Variants in MYOCD observed in about 807,000 individuals in gnomAD.
MYOCD encodes the protein myocardin.
Under a neutral mutation model 96.1 loss-of-function variants are expected in MYOCD, and 32 were observed. That is an observed-to-expected ratio of 0.33 (90% CI 0.25 to 0.45). MYOCD has a LOEUF of 0.45. MYOCD is among the 20% of genes least tolerant of loss of function. MYOCD has a pLI of 1.00. For missense variants in MYOCD, 1,133 were observed against 1,200.6 expected (o/e 0.94, Z 0.83); for synonymous variants, 469 against 469.0 (o/e 1.00, Z 0.00).
intron 9 of MYOCD, among the ~76,000 whole-genome samples, chr17:12,751,821 C>A (rs1187841571): frequency 6.6e-6 from 1 of 152,070 alleles, no homozygotes; most frequent in East Asian, 1.9e-4. Flanking sequence ...AGGACATAAA[C>A]GTTTATATGG....
chr17:12,759,372 C>T (rs1228532642), intron 12 of MYOCD, among the ~76,000 whole-genome samples: 1 of 152,194 alleles, frequency 6.6e-6, no homozygotes, highest in Non-Finnish European at 1.5e-5. Flanking sequence ...CTACTTTGAG[C>T]CACAGCTATG....
At chr17:12,733,938 C>T (rs1055942686) in intron 5 of MYOCD, among the ~76,000 whole-genome samples, 2 of 150,784 alleles carry the variant, frequency 1.3e-5, no homozygotes, top group South Asian at 4.2e-4. Context: ...TGAAGTCTAA[C>T]AAAGTTAGCT....
chr17:12,754,966 T>A (rs2032970117), intron 10 of MYOCD, among the ~76,000 whole-genome samples: 1 of 152,172 alleles, frequency 6.6e-6, no homozygotes, highest in East Asian at 1.9e-4. Context: ...ATTTGTTAAT[T>A]CTAAGTACAA....
chr17:12,683,043 C>T (rs150439955), intron 1 of MYOCD, among the ~76,000 whole-genome samples: 2 of 152,234 alleles, frequency 1.3e-5, no homozygotes, highest in African/African-American at 4.8e-5. Context: ...TGGAAATAAG[C>T]TGGAATTGGG....
intron 5 of MYOCD, among the ~76,000 whole-genome samples, chr17:12,734,403 A>C (rs2032275021): frequency 6.6e-6 from 1 of 151,698 alleles, no homozygotes; most frequent in East Asian, 1.9e-4. Flanking sequence ...GATCCCAAGA[A>C]AATGCAGTGA....
chr17:12,762,833 G>C (rs2033218787), intron 13 of MYOCD: 1 of 502,276 alleles, frequency 2.0e-6, no homozygotes, highest in Non-Finnish European at 3.5e-6. Flanking sequence ...GAGTAGGCCA[G>C]GAACCTTCAG....
At chr17:12,712,585 G>A (rs1465218481) in intron 2 of MYOCD, among the ~76,000 whole-genome samples, 3 of 152,160 alleles carry the variant, frequency 2.0e-5, no homozygotes, top group Admixed American at 1.3e-4. Flanking sequence ...TTTTTTCTAA[G>A]TTCTAAGTCA....
In MYOCD at chr17:12,753,187, T is replaced by C. The variant is rs767789206; in HGVS notation, c.1899T>C (p.Cys633=). 4 of 1,614,156 alleles carry C rather than the reference T, an allele frequency of 2.5e-6. No homozygotes were observed. The highest frequency in any genetic ancestry group is 2.5e-6 in the Non-Finnish European group (3 of 1,180,018). ...CTTCCACATTTCTCAGCCCCCAGTG[T>C]TCCCCTCAGCATTCACCGCTGGGGG... The part of the protein sequence containing the change: ...VLSSTFLSPQ[C]SPQHSPLGAV... The change falls in exon 10 of 14, where the codon TGT becomes TGC. Residue 633 remains cysteine, a synonymous_variant. Coordinates refer to ENST00000425538, the MANE Select transcript of MYOCD (RefSeq NM_001146312.3).
At chr17:12,731,356 C>G (rs2032166570) in intron 5 of MYOCD, among the ~76,000 whole-genome samples, 1 of 152,170 alleles carries the variant, frequency 6.6e-6, no homozygotes, top group South Asian at 2.1e-4. Flanking sequence ...GCCGCCTTTG[C>G]TTTCCCAGAA....
At chr17:12,683,355 G>T (rs1264496847) in intron 1 of MYOCD, among the ~76,000 whole-genome samples, 1 of 152,116 alleles carries the variant, frequency 6.6e-6, no homozygotes, top group Non-Finnish European at 1.5e-5. Flanking sequence ...GAGAATAAAA[G>T]GGAGGCATCA....
intron 9 of MYOCD, among the ~76,000 whole-genome samples, chr17:12,747,282 C>T (rs1014873810): frequency 6.6e-6 from 1 of 152,028 alleles, no homozygotes; most frequent in African/African-American, 2.4e-5. Context: ...GAGAGATGGG[C>T]AGGAGAGAAC....
intron 2 of MYOCD, among the ~76,000 whole-genome samples, chr17:12,709,913 A>G (rs2031430505): frequency 6.6e-6 from 1 of 152,204 alleles, no homozygotes; most frequent in African/African-American, 2.4e-5. Context: ...ATTTTATTCC[A>G]ACCGCTTCTG....
intron 2 of MYOCD, among the ~76,000 whole-genome samples, chr17:12,709,587 G>A (rs1310546288): frequency 6.6e-6 from 1 of 152,168 alleles, no homozygotes; most frequent in African/African-American, 2.4e-5. Context: ...AGTTAACTTA[G>A]AAATATTACT....
At chr17:12,707,550 A>G (rs779814881) in intron 2 of MYOCD, among the ~76,000 whole-genome samples, 55 of 145,076 alleles carry the variant, frequency 3.8e-4, no homozygotes, top group Admixed American at 8.2e-4. Context: ...CTAAAAATAC[A>G]AAAAAAAGAA....
intron 5 of MYOCD, among the ~76,000 whole-genome samples, chr17:12,728,851 T>C (rs2032080951): frequency 6.6e-6 from 1 of 152,246 alleles, no homozygotes; most frequent in African/African-American, 2.4e-5. Context: ...GTTCTTTTTA[T>C]CACCATGACC....
At chr17:12,678,361 G>A (rs1187238609) in intron 1 of MYOCD, among the ~76,000 whole-genome samples, 1 of 151,316 alleles carries the variant, frequency 6.6e-6, no homozygotes, top group Non-Finnish European at 1.5e-5. Context: ...ATTCTCCGGT[G>A]AGGTGTGGTT....
At chr17:12,711,260 C>G (rs1484199712) in intron 2 of MYOCD, among the ~76,000 whole-genome samples, 2 of 152,078 alleles carry the variant, frequency 1.3e-5, no homozygotes, top group Non-Finnish European at 2.9e-5. Context: ...TGAATAGGCC[C>G]ATTTTTATAA....
chr17:12,723,708 T>C (rs1177791919), intron 5 of MYOCD, among the ~76,000 whole-genome samples: 2 of 152,170 alleles, frequency 1.3e-5, no homozygotes. Flanking sequence ...CCAGGAAAAC[T>C]ATGGTATCAG....
chr17:12,745,515 C>A (rs1428381952), intron 8 of MYOCD, among the ~76,000 whole-genome samples: 3 of 151,658 alleles, frequency 2.0e-5, no homozygotes, highest in Non-Finnish European at 4.4e-5. Flanking sequence ...GGCCAGGTCA[C>A]CCTTTAAATT....
Sources: allele counts gnomAD v4.1 joint callset (sites outside exome capture counted in the v4.1 genomes callset), GRCh38; gene constraint gnomAD v4.1.1; transcripts MANE v1.5; gene names NCBI Gene and HGNC (gene_info 2026-07-23, HGNC 2026-07-21).